The following CFDP1 variants were observed in gnomAD, a reference collection of about 807,000 sequenced individuals.
CFDP1 encodes chromatin remodeling protein CFDP1.
In CFDP1, 31 loss-of-function variants were observed where a neutral mutation model predicts 40.1. That is an observed-to-expected ratio of 0.77 (90% CI 0.58 to 1.04). The LOEUF is 1.04. CFDP1 is among the 50% of genes least tolerant of loss of function. The pLI is 0.00. For missense variants in CFDP1, 423 were observed against 343.4 expected, an observed-to-expected ratio of 1.23 and a Z score of -1.83; for synonymous variants, 167 against 120.0, an observed-to-expected ratio of 1.39 and a Z score of -2.56.
chr16:75,342,625 A>G (rs1156896905), intron 5 of CFDP1, among the ~76,000 whole-genome samples: 1 of 152,170 alleles, frequency 6.6e-6, no homozygotes, highest in African/African-American at 2.4e-5. Context: ...CTCTATCTGC[A>G]TACTACAGCG....
intron 5 of CFDP1, among the ~76,000 whole-genome samples, chr16:75,361,491 C>G (rs749684025): frequency 1.8e-4 from 27 of 152,176 alleles, no homozygotes; most frequent in East Asian, 1.9e-4. Context: ...GTGCCGCACG[C>G]CTGTAATCCC....
chr16:75,413,084 G>C (rs1173219986), intron 2 of CFDP1, among the ~76,000 whole-genome samples: 2 of 152,108 alleles, frequency 1.3e-5, no homozygotes, highest in African/African-American at 4.8e-5. Flanking sequence ...TATCCAGAAA[G>C]AATATTCTAA....
intron 5 of CFDP1, among the ~76,000 whole-genome samples, chr16:75,374,652 T>TA (rs369782788): frequency 8.7e-4 from 129 of 147,510 alleles, no homozygotes; most frequent in South Asian, 3.9e-3. Context: ...CCCCATCTCT[T>TA]AAAAAAAAAA....
chr16:75,420,001 G>A (rs1313067440), intron 1 of CFDP1, among the ~76,000 whole-genome samples: 2 of 150,958 alleles, frequency 1.3e-5, no homozygotes, highest in Non-Finnish European at 2.9e-5. Flanking sequence ...CTCTCTTGGG[G>A]TCTGGGTCTG....
chr16:75,334,872 T>A (rs144165143), intron 5 of CFDP1, among the ~76,000 whole-genome samples: 2,347 of 152,098 alleles, frequency 0.015, 57 homozygotes, highest in African/African-American at 0.053. Flanking sequence ...CAAGAATCGT[T>A]TGAACCCCGG....
At chr16:75,374,582 T>C (rs894325067) in intron 5 of CFDP1, among the ~76,000 whole-genome samples, 1 of 151,684 alleles carries the variant, frequency 6.6e-6, no homozygotes, top group African/African-American at 2.4e-5. Flanking sequence ...TTTGGGAGGC[T>C]GAGAAGGGAG....
At chr16:75,405,778 G>T (rs1181537157) in intron 4 of CFDP1, among the ~76,000 whole-genome samples, 3 of 149,516 alleles carry the variant, frequency 2.0e-5, no homozygotes, top group Admixed American at 1.3e-4. Context: ...AATGAGCCAG[G>T]CGTGGTGGTA....
chr16:75,397,192 GC>G (rs1216208753), intron 4 of CFDP1, among the ~76,000 whole-genome samples: 2 of 151,700 alleles, frequency 1.3e-5, no homozygotes, highest in African/African-American at 4.8e-5. Flanking sequence ...GGGATTACAG[GC>G]GTGAGCCACT....
At chr16:75,367,164 C>CAAAAAAA in intron 5 of CFDP1, among the ~76,000 whole-genome samples, 1 of 87,012 alleles carries the variant, frequency 1.1e-5, no homozygotes, top group Non-Finnish European at 2.3e-5. Context: ...GACTCCATCT[C>CAAAAAAA]AAAAAAAAAA....
At chr16:75,357,867 T>TCCC (rs1403527478) in intron 5 of CFDP1, among the ~76,000 whole-genome samples, 1 of 152,222 alleles carries the variant, frequency 6.6e-6, no homozygotes, top group Non-Finnish European at 1.5e-5. Context: ...ACAAGAGGCC[T>TCCC]AGCTTTTAGC....
chr16:75,309,619 G>T (rs1024371795), intron 5 of CFDP1, among the ~76,000 whole-genome samples: 1 of 152,026 alleles, frequency 6.6e-6, no homozygotes, highest in Non-Finnish European at 1.5e-5. Context: ...AGGAGATCGA[G>T]ACCATCCTGC....
intron 5 of CFDP1, among the ~76,000 whole-genome samples, chr16:75,366,713 G>C (rs187398057): frequency 6.6e-6 from 1 of 152,248 alleles, no homozygotes; most frequent in African/African-American, 2.4e-5. Flanking sequence ...GCAAATCTAC[G>C]GAGACAGAAA....
chr16:75,412,988 A>G (rs558511446), intron 2 of CFDP1, among the ~76,000 whole-genome samples: 3 of 152,266 alleles, frequency 2.0e-5, no homozygotes, highest in South Asian at 4.1e-4. Flanking sequence ...AATCACTTAA[A>G]ATCAAAGTAT....
chr16:75,382,127 A>G (rs2151549331), intron 5 of CFDP1, among the ~76,000 whole-genome samples: 1 of 151,918 alleles, frequency 6.6e-6, no homozygotes, highest in East Asian at 1.9e-4. Context: ...AAAAAAGAAA[A>G]AAAAAAAAAA....
At chr16:75,389,887 G>A (rs761557537) in intron 5 of CFDP1, among the ~76,000 whole-genome samples, 15 of 152,156 alleles carry the variant, frequency 9.9e-5, no homozygotes, top group Non-Finnish European at 1.5e-5. Context: ...AATTGTAACT[G>A]TAAAGCTTTT....
At chr16:75,405,551 C>G (rs888377790) in intron 4 of CFDP1, among the ~76,000 whole-genome samples, 1 of 151,834 alleles carries the variant, frequency 6.6e-6, no homozygotes, top group Non-Finnish European at 1.5e-5. Flanking sequence ...AGTTCCAGAC[C>G]AGCCTGACCA....
chr16:75,381,421 G>C (rs1187571050), intron 5 of CFDP1, among the ~76,000 whole-genome samples: 1 of 152,146 alleles, frequency 6.6e-6, no homozygotes, highest in African/African-American at 2.4e-5. Context: ...AGACATTTTG[G>C]GAGTAGAGTT....
In CFDP1 at chr16:75,395,144, T is replaced by C; in HGVS notation, c.596A>G (p.Glu199Gly). 6.2e-7 allele frequency: 1 copy of C among 1,613,984 alleles called. No homozygotes were observed. Among genetic ancestry groups the C allele is most frequent in the Non-Finnish European group, 8.5e-7 (1 of 1,179,922 alleles). ...AKSFFKQNEK[E>G]KPQANVPSAL... ...TGAAGGAACATTAGCCTGTGGTTTT[T>C]CTTTCTCATTCTGCTTGAAGAAGGA... The change falls in exon 5 of 7, where the codon GAA (glutamate) becomes GGA (glycine). Residue 199 changes from glutamate (E) to glycine (G), a missense_variant. Glu to Gly is a moderately conservative substitution (Grantham distance 98). Coordinates refer to ENST00000283882, the MANE Select transcript of CFDP1 (RefSeq NM_006324.3).
intron 1 of CFDP1, among the ~76,000 whole-genome samples, chr16:75,429,025 G>A (rs112803505): frequency 2.0e-5 from 3 of 151,768 alleles, no homozygotes; most frequent in South Asian, 2.1e-4. Context: ...GCTGAGGTGG[G>A]AGAGTTGCTT....
Sources: allele counts gnomAD v4.1 joint callset (sites outside exome capture counted in the v4.1 genomes callset), GRCh38; gene constraint gnomAD v4.1.1; transcripts MANE v1.5; gene names NCBI Gene and HGNC (gene_info 2026-07-23, HGNC 2026-07-21).